The following CD274 variants were observed in gnomAD, a reference collection of about 807,000 sequenced individuals.
CD274 encodes CD274 molecule.
In CD274, 8 loss-of-function variants were observed where a neutral mutation model predicts 30.1. That is an observed-to-expected ratio of 0.27 (90% CI 0.16 to 0.48). CD274 has a LOEUF of 0.48. Among genes scored for constraint, CD274 ranks in the 20% least tolerant of loss-of-function variants. The probability of loss-of-function intolerance (pLI) is 0.99; values close to 1 mark genes in which losing one functional copy is unlikely to be tolerated. For synonymous variants in CD274, 152 were observed against 124.6 expected (o/e 1.22, Z -1.46); for missense variants, 353 against 346.6 (o/e 1.02, Z -0.15).
Position 5,457,376 on chromosome 9 carries a change from G to C in CD274, c.350G>C (p.Ser117Thr), listed in dbSNP as rs2131212779. 2 of 1,614,030 alleles carry C rather than the reference G, an allele frequency of 1.2e-6. No homozygotes were observed. The highest frequency in any genetic ancestry group is 1.7e-6 in the Non-Finnish European group (2 of 1,179,934). Residue 117 changes from serine to threonine, a missense_variant, in exon 3 of 7, where the codon AGC (serine) becomes ACC (threonine). Physicochemically the swap from Ser to Thr is moderately conservative, Grantham distance 58. Transcript: ENST00000381577. ...QDAGVYRCMI[S>T]YGGADYKRIT... The stretch of plus-strand genomic sequence containing the variant: ...GCAGGGGTGTACCGCTGCATGATCA[G>C]CTATGGTGGTGCCGACTACAAGCGA...
At chr9:5,452,697 A>G (rs557196357) in intron 1 of CD274, among the ~76,000 whole-genome samples, 121 of 152,302 alleles carry the variant, frequency 7.9e-4, no homozygotes, top group Non-Finnish European at 1.6e-3. Context: ...AGGGTTTGAT[A>G]AGAAATTAAG....
At chr9:5,461,295 G>A (rs1819399891) in intron 3 of CD274, among the ~76,000 whole-genome samples, 1 of 152,086 alleles carries the variant, frequency 6.6e-6, no homozygotes, top group Non-Finnish European at 1.5e-5. Context: ...TTCTTTGTGG[G>A]AAACTTTTTA....
At chr9:5,457,022 T>C in intron 2 of CD274, 57 bp from the exon 3 acceptor site, 1 of 1,240,992 alleles carries the variant, frequency 8.1e-7, no homozygotes, top group South Asian at 1.4e-5. Flanking sequence ...TGTGCCAATT[T>C]TGTAAATGTT....
At position 5,467,835 on chromosome 9, in the gene CD274, T is replaced by C; in HGVS notation, c.851-5T>C. The C allele has an allele frequency of 6.2e-7, 1 of 1,606,932 alleles. No individual in the cohort carries two copies. Among genetic ancestry groups the C allele is most frequent in the Non-Finnish European group, 8.5e-7 (1 of 1,173,494 alleles). On this transcript the variant is annotated splice_polypyrimidine_tract_variant and splice_region_variant and intron_variant, in intron 6 of 6. Coordinates refer to ENST00000381577, the MANE Select transcript of CD274 (RefSeq NM_014143.4). ...TGAAATTAATATACTATTATCACTC[T>C]CCAGATACACATTTGGAGGAGACGT...
At chr9:5,452,798 A>C (rs1819230725) in intron 1 of CD274, among the ~76,000 whole-genome samples, 1 of 152,212 alleles carries the variant, frequency 6.6e-6, no homozygotes, top group South Asian at 2.1e-4. Flanking sequence ...GAACTCCACC[A>C]GAGTAGGCCA....
intron 1 of CD274, among the ~76,000 whole-genome samples, chr9:5,451,112 C>T (rs763691518): frequency 3.9e-5 from 6 of 152,096 alleles, no homozygotes; most frequent in Non-Finnish European, 5.9e-5. Context: ...AATGGAGGAG[C>T]CTAAGAATAA....
chr9:5,467,787 C>CT, intron 6 of CD274, 53 bp from the exon 7 acceptor site: 1 of 1,430,896 alleles, frequency 7.0e-7, no homozygotes, highest in Non-Finnish European at 9.9e-7. Context: ...TTTCTTGTTA[C>CT]TTTTTCCCCA....
intron 3 of CD274, 58 bp from the exon 4 acceptor site, chr9:5,462,776 C>A (rs908066805): frequency 6.8e-7 from 1 of 1,481,380 alleles, no homozygotes; most frequent in Non-Finnish European, 9.3e-7. Context: ...CAGCATCAAG[C>A]TATGTACGTA....
In CD274 at chr9:5,461,990, G is replaced by A. The variant is rs896722778; in HGVS notation, c.395-844G>A. Among the ~76,000 whole-genome samples, 53 of 152,138 alleles carry A rather than the reference G, an allele frequency of 3.5e-4. 3 individuals carry two copies. On this transcript the variant is annotated intron_variant, in intron 3 of 6. Transcript: ENST00000381577. ...ATTATGCAGTTTAGTTATTAATAAT[G>A]TACTAACGTCCTTAGTTATGACGAT...
chr9:5,462,788 T>C lies in CD274; in HGVS notation c.395-46T>C, dbSNP rs773145847. 9 of 1,566,304 alleles carry C rather than the reference T, an allele frequency of 5.7e-6. No individual in the cohort carries two copies. The East Asian group carries it at 2.0e-4, about 35-fold the overall frequency. On this transcript the variant is annotated intron_variant, in intron 3 of 6. Coordinates refer to ENST00000381577, the MANE Select transcript of CD274 (RefSeq NM_014143.4). Reference sequence around the variant, plus strand: ...GGACAGCATCAAGCTATGTACGTAGTTCTGTGCTCAGCAAAAGCCCTGACT... The same window carrying C: ...GGACAGCATCAAGCTATGTACGTAGCTCTGTGCTCAGCAAAAGCCCTGACT...
In CD274 at chr9:5,468,110, C is replaced by A; in HGVS notation, c.*248C>A. 3.8e-6 allele frequency: 2 copies of A among 521,086 alleles called. No homozygotes were observed. Among genetic ancestry groups the A allele is most frequent in the East Asian group, 3.0e-5 (1 of 33,118 alleles). The allele number at this position is 521,086 out of a possible 1,614,324, so 32.3% of individuals were successfully genotyped here. A position where few individuals can be genotyped will look rare whatever the true frequency, so the allele number is the denominator to read the frequency against. ...CAAATGCCTGAGGGGCTCATCGACG[C>A]CTGTGACAGGGAGAAAGGATACTTC... is the stretch of plus-strand genomic sequence containing the variant. On this transcript the variant is annotated 3_prime_UTR_variant, in exon 7 of 7. Transcript: ENST00000381577.
At chr9:5,453,186 T>C (rs1309874582) in intron 1 of CD274, among the ~76,000 whole-genome samples, 1 of 152,008 alleles carries the variant, frequency 6.6e-6, no homozygotes, top group Non-Finnish European at 1.5e-5. Flanking sequence ...AATAAAAAAA[T>C]AGGTACCTAA....
At chr9:5,460,278 A>G (rs1476511061) in intron 3 of CD274, among the ~76,000 whole-genome samples, 1 of 152,172 alleles carries the variant, frequency 6.6e-6, no homozygotes, top group Non-Finnish European at 1.5e-5. Context: ...GAGCAGCAGT[A>G]GTAAAAGGAG....
intron 3 of CD274, among the ~76,000 whole-genome samples, chr9:5,461,103 T>G (rs1819395928): frequency 2.0e-5 from 3 of 152,212 alleles, no homozygotes; most frequent in Admixed American, 2.0e-4. Flanking sequence ...AGGGTGAACT[T>G]TATCATTAAC....
Position 5,457,248 on chromosome 9 carries a change from G to T in CD274, c.222G>T (p.Leu74=). The part of the protein sequence containing the change: ...IIQFVHGEED[L]KVQHSSYRQR... The stretch of plus-strand genomic sequence containing the variant: ...AATTTGTGCATGGAGAGGAAGACCT[G>T]AAGGTTCAGCATAGTAGCTACAGAC... Residue 74 remains leucine (L), a synonymous_variant, in exon 3 of 7, where the codon CTG becomes CTT. Coordinates refer to ENST00000381577, the MANE Select transcript of CD274 (RefSeq NM_014143.4). The T allele has an allele frequency of 6.2e-7, 1 of 1,614,100 alleles. No homozygotes were observed. The highest frequency in any genetic ancestry group is 1.3e-5 in the African/African-American group (1 of 75,040).
rs777009077 is a variant in CD274, at chr9:5,463,030, G to A, written c.591G>A (p.Leu197=). The A allele has an allele frequency of 2.5e-6, 4 of 1,613,946 alleles. No individual in the cohort carries two copies. Among genetic ancestry groups the A allele is most frequent in the East Asian group, 2.2e-5 (1 of 44,880 alleles). Reference sequence around the variant, plus strand: ...AGCTTTTCAATGTGACCAGCACACTGAGAATCAACACAACAACTAATGAGA... The same window carrying A: ...AGCTTTTCAATGTGACCAGCACACTAAGAATCAACACAACAACTAATGAGA... The part of the protein sequence containing the change: ...EEKLFNVTST[L]RINTTTNEIF... Residue 197 remains leucine, a synonymous_variant, in exon 4 of 7, where the codon CTG becomes CTA. Coordinates refer to ENST00000381577, the MANE Select transcript of CD274 (RefSeq NM_014143.4).
rs1471394287 is a variant in CD274 at position 5,465,565 on chromosome 9, G to A, written c.749G>A (p.Cys250Tyr). Residue 250 changes from cysteine to tyrosine, a missense_variant, in exon 5 of 7, where the codon TGC becomes TAC. By Grantham distance (194) the Cys-to-Tyr change is radical. Transcript: ENST00000381577. Reference sequence around the variant, plus strand: ...GTAATTCTGGGAGCCATCTTATTATGCCTTGGTGTAGCACTGACATTCATC... The same window carrying A: ...GTAATTCTGGGAGCCATCTTATTATACCTTGGTGTAGCACTGACATTCATC... Reference protein sequence around the residue: ...HLVILGAILLCLGVALTFIFR... With the variant: ...HLVILGAILLYLGVALTFIFR... 6.2e-7 allele frequency: 1 copy of A among 1,610,620 alleles called. No homozygotes were observed. The highest frequency in any genetic ancestry group is 8.5e-7 in the Non-Finnish European group (1 of 1,176,896).
chr9:5,459,081 C>T (rs1459705736), intron 3 of CD274, among the ~76,000 whole-genome samples: 1 of 151,894 alleles, frequency 6.6e-6, no homozygotes, highest in Non-Finnish European at 1.5e-5. Flanking sequence ...TTATTCAGGT[C>T]GTCTGGGCTC....
chr9:5,458,151 A>T (rs1429949217), intron 3 of CD274, among the ~76,000 whole-genome samples: 5 of 152,230 alleles, frequency 3.3e-5, no homozygotes, highest in African/African-American at 1.2e-4. Flanking sequence ...CAGTTATGTT[A>T]TCAGGTCACT....
Sources: allele counts gnomAD v4.1 joint callset (sites outside exome capture counted in the v4.1 genomes callset), GRCh38; gene constraint gnomAD v4.1.1; transcripts MANE v1.5; gene names NCBI Gene and HGNC (gene_info 2026-07-23, HGNC 2026-07-21).